CFDP1: variants seen among roughly 807,000 people sequenced by gnomAD.
CFDP1 encodes the protein heterochromatin-stabilizing protein CFDP1.
A neutral mutation model predicts 40.1 loss-of-function variants in CFDP1; 31 were observed. The observed-to-expected ratio is 0.77, with a 90% CI of 0.58 to 1.04. CFDP1 has a LOEUF of 1.04. Among genes scored for constraint, CFDP1 ranks in the 50% least tolerant of loss-of-function variants. The pLI, the probability that CFDP1 is intolerant of heterozygous loss-of-function variation, is 0.00. For missense variants in CFDP1, 423 were observed against 343.4 expected (o/e 1.23, Z -1.83); for synonymous variants, 167 against 120.0 (o/e 1.39, Z -2.56).
intron 6 of CFDP1, among the ~76,000 whole-genome samples, chr16:75,297,267 G>T (rs575550579): frequency 6.6e-6 from 1 of 151,620 alleles, no homozygotes; most frequent in South Asian, 2.1e-4. Flanking sequence ...TAATCTGCCC[G>T]CCTCAGCCTC....
At chr16:75,399,072 A>G (rs1013580673) in intron 4 of CFDP1, among the ~76,000 whole-genome samples, 2 of 151,308 alleles carry the variant, frequency 1.3e-5, no homozygotes, top group African/African-American at 2.4e-5. Flanking sequence ...AAAAAAAAAA[A>G]AAAAAAAGAA....
At chr16:75,369,327 T>C (rs1002671664) in intron 5 of CFDP1, among the ~76,000 whole-genome samples, 3 of 152,010 alleles carry the variant, frequency 2.0e-5, no homozygotes, top group Admixed American at 6.6e-5. Flanking sequence ...CAAGGCAGTA[T>C]TGCTTGAGCC....
At chr16:75,372,336 A>G (rs903486556) in intron 5 of CFDP1, 3 of 152,194 alleles carry the variant, frequency 2.0e-5, no homozygotes, top group African/African-American at 4.8e-5. Flanking sequence ...CTGTTCATGA[A>G]TAACTCAACA....
chr16:75,402,201 C>A (rs2079061640), intron 4 of CFDP1, among the ~76,000 whole-genome samples: 1 of 152,124 alleles, frequency 6.6e-6, no homozygotes, highest in African/African-American at 2.4e-5. Context: ...AAATTATAGA[C>A]CACCTCTAAC....
At chr16:75,409,094 A>G (rs1007754436) in intron 4 of CFDP1, among the ~76,000 whole-genome samples, 4 of 151,880 alleles carry the variant, frequency 2.6e-5, no homozygotes, top group African/African-American at 9.7e-5. Flanking sequence ...CCTAACCTCA[A>G]GCAATCCACC....
In CFDP1 at chr16:75,319,330, C is replaced by A. The variant is rs574598971; in HGVS notation, c.651-14148G>T. Reference sequence around the variant, plus strand: ...GTGCTGGGATTACAGGTGTGAGCCACCACGCCCAGCCCCAAACTTCTAACT... The same window carrying A: ...GTGCTGGGATTACAGGTGTGAGCCAACACGCCCAGCCCCAAACTTCTAACT... On this transcript the variant is annotated intron_variant, in intron 5 of 6. Coordinates refer to ENST00000283882, the MANE Select transcript of CFDP1 (RefSeq NM_006324.3). Among the ~76,000 whole-genome samples the A allele has an allele frequency of 9.0e-4, 137 of 152,270 alleles. 2 individuals carry two copies. The highest frequency in any genetic ancestry group is 3.2e-3 in the African/African-American group (132 of 41,532).
chr16:75,332,566 C>T (rs2078453821), intron 5 of CFDP1, among the ~76,000 whole-genome samples: 1 of 151,798 alleles, frequency 6.6e-6, no homozygotes, highest in South Asian at 2.1e-4. Flanking sequence ...ACTTGGGAGG[C>T]TGAAGTGGGA....
At chr16:75,309,790 A>G (rs1270439191) in intron 5 of CFDP1, among the ~76,000 whole-genome samples, 2 of 122,840 alleles carry the variant, frequency 1.6e-5, no homozygotes, top group Non-Finnish European at 1.6e-5. Context: ...ACTGCACTCC[A>G]GCCTGGGTGA....
At chr16:75,390,897 A>G (rs1389246302) in intron 5 of CFDP1, among the ~76,000 whole-genome samples, 1 of 152,188 alleles carries the variant, frequency 6.6e-6, no homozygotes, top group Admixed American at 6.5e-5. Flanking sequence ...GGCCACACCA[A>G]TATTTGTATC....
At chr16:75,376,741 AGGTATGGGGCAGAAGC>A (rs2078801399) in intron 5 of CFDP1, among the ~76,000 whole-genome samples, 1 of 152,162 alleles carries the variant, frequency 6.6e-6, no homozygotes. Context: ...TAGCTAAAAC[AGGTATGGGGCAGAAGC>A]GGCTTTCTGT....
intron 5 of CFDP1, among the ~76,000 whole-genome samples, chr16:75,389,879 T>C (rs1376625222): frequency 4.6e-5 from 7 of 152,188 alleles, no homozygotes; most frequent in Non-Finnish European, 8.8e-5. Flanking sequence ...CCAAGCACAA[T>C]TGTAACTGTA....
intron 5 of CFDP1, among the ~76,000 whole-genome samples, chr16:75,312,610 T>G (rs1267020934): frequency 1.3e-5 from 2 of 152,212 alleles, no homozygotes; most frequent in Non-Finnish European, 2.9e-5. Context: ...AACATACCTA[T>G]TTTAGTGATA....
intron 6 of CFDP1, among the ~76,000 whole-genome samples, chr16:75,298,143 A>G (rs4888378): frequency 0.52 from 79,631 of 152,104 alleles, 22,017 homozygotes; most frequent in Admixed American, 0.67. Context: ...AAAACAAATG[A>G]ATTCTGTGTT....
In CFDP1 at chr16:75,350,368, A is replaced by G. The variant is rs183978401; in HGVS notation, c.650+44722T>C. ...CCAACCAGCAAGGTATGAAGGTTTC[A>G]ACTTCTCCATACCCTTGCCAACACT... On this transcript the variant is annotated intron_variant, in intron 5 of 6. Coordinates refer to ENST00000283882, the MANE Select transcript of CFDP1 (RefSeq NM_006324.3). 3.1e-4 allele frequency among the ~76,000 whole-genome samples: 47 copies of G among 152,322 alleles called. No homozygotes were observed. The East Asian group carries it at 9.1e-3, about 29-fold the overall frequency.
intron 5 of CFDP1, among the ~76,000 whole-genome samples, chr16:75,327,971 C>G (rs1162576045): frequency 6.6e-6 from 1 of 151,908 alleles, no homozygotes; most frequent in African/African-American, 2.4e-5. Flanking sequence ...CTCAGGTGAT[C>G]CGCCTGCCTC....
At chr16:75,413,347 G>A (rs1241964541) in intron 2 of CFDP1, among the ~76,000 whole-genome samples, 1 of 152,074 alleles carries the variant, frequency 6.6e-6, no homozygotes, top group Admixed American at 6.6e-5. Context: ...GGCCCACACA[G>A]AGATTCCACT....
intron 5 of CFDP1, among the ~76,000 whole-genome samples, chr16:75,385,660 G>A (rs959791473): frequency 1.3e-5 from 2 of 152,154 alleles, no homozygotes; most frequent in African/African-American, 4.8e-5. Context: ...CCAATCTTAA[G>A]AATGCTGCTT....
chr16:75,317,092 C>T (rs995154482), intron 5 of CFDP1, among the ~76,000 whole-genome samples: 1 of 152,266 alleles, frequency 6.6e-6, no homozygotes, highest in Non-Finnish European at 1.5e-5. Context: ...CTAGATTGGA[C>T]AGGCAAGTGG....
intron 1 of CFDP1, among the ~76,000 whole-genome samples, chr16:75,429,030 T>C (rs1597412358): frequency 1.3e-5 from 2 of 150,154 alleles, no homozygotes; most frequent in Non-Finnish European, 3.0e-5. Flanking sequence ...GGTGGGAGAG[T>C]TGCTTAAACC....
Sources: gnomAD v4.1 joint callset for allele counts (sites outside exome capture counted in the v4.1 genomes callset) on GRCh38, gnomAD v4.1.1 for gene constraint, MANE v1.5 for transcripts, NCBI Gene and HGNC (gene_info 2026-07-23, HGNC 2026-07-21) for gene names.